The following C8orf34 variants were observed in gnomAD, a reference collection of about 807,000 sequenced individuals.
The protein encoded by C8orf34 is uncharacterized protein C8orf34.
A neutral mutation model predicts 68.3 loss-of-function variants in C8orf34; 65 were observed. That is an observed-to-expected ratio of 0.95 (90% CI 0.78 to 1.17). The LOEUF is 1.17. Ranked by LOEUF, C8orf34 falls within the 50% of genes most tolerant of loss-of-function variation. The pLI, the probability that C8orf34 is intolerant of heterozygous loss-of-function variation, is 0.00. For synonymous variants in C8orf34, 244 were observed against 241.2 expected, an observed-to-expected ratio of 1.01 and a Z score of -0.11; for missense variants, 664 against 655.4, an observed-to-expected ratio of 1.01 and a Z score of -0.14.
chr8:68,522,680 T>G (rs980576192), intron 6 of C8orf34, among the ~76,000 whole-genome samples: 4 of 152,190 alleles, frequency 2.6e-5, no homozygotes, highest in Non-Finnish European at 4.4e-5. Context: ...TAATTTTTTT[T>G]TGTAATACCA....
intron 2 of C8orf34, among the ~76,000 whole-genome samples, chr8:68,444,201 G>A (rs1811029730): frequency 6.6e-6 from 1 of 151,918 alleles, no homozygotes; most frequent in Non-Finnish European, 1.5e-5. Flanking sequence ...TTAAATATTG[G>A]TATTGCATTT....
At chr8:68,450,836 T>C (rs540013818) in intron 3 of C8orf34, among the ~76,000 whole-genome samples, 18 of 152,240 alleles carry the variant, frequency 1.2e-4, no homozygotes, top group African/African-American at 4.3e-4. Context: ...GAATAAGCAT[T>C]GACTTCAACT....
chr8:68,454,526 T>C (rs1265282810), intron 3 of C8orf34, among the ~76,000 whole-genome samples: 1 of 152,068 alleles, frequency 6.6e-6, no homozygotes, highest in Non-Finnish European at 1.5e-5. Flanking sequence ...TTCTAAGTCA[T>C]CCAGTTTGTT....
intron 7 of C8orf34, among the ~76,000 whole-genome samples, chr8:68,602,127 G>A (rs762642708): frequency 3.3e-5 from 5 of 152,136 alleles, no homozygotes; most frequent in South Asian, 4.1e-4. Context: ...CACGATGGGA[G>A]CAGTGAGTTA....
At chr8:68,686,318 G>C (rs887320357) in intron 8 of C8orf34, among the ~76,000 whole-genome samples, 1 of 151,912 alleles carries the variant, frequency 6.6e-6, no homozygotes, top group Non-Finnish European at 1.5e-5. Flanking sequence ...AACCAGGAAA[G>C]GACTTTACAA....
At chr8:68,597,264 G>A (rs1309864270) in intron 7 of C8orf34, among the ~76,000 whole-genome samples, 17 of 152,054 alleles carry the variant, frequency 1.1e-4, no homozygotes, top group Admixed American at 1.1e-3. Flanking sequence ...TGTGTCTCAT[G>A]TGCAAGGGTG....
intron 1 of C8orf34, among the ~76,000 whole-genome samples, chr8:68,389,258 T>C (rs181863020): frequency 7.2e-5 from 11 of 152,276 alleles, no homozygotes; most frequent in Non-Finnish European, 1.2e-4. Context: ...GGTTTCCATG[T>C]CAGTTTTGCT....
intron 7 of C8orf34, among the ~76,000 whole-genome samples, chr8:68,548,769 A>C (rs1441878676): frequency 6.6e-6 from 1 of 151,838 alleles, no homozygotes; most frequent in Non-Finnish European, 1.5e-5. Context: ...ACACAATACA[A>C]ATGTCAATCA....
intron 8 of C8orf34, among the ~76,000 whole-genome samples, chr8:68,701,653 CT>C (rs1821020498): frequency 6.6e-6 from 1 of 152,086 alleles, no homozygotes; most frequent in Non-Finnish European, 1.5e-5. Context: ...GGATCCTATG[CT>C]TGCTCCTACA....
chr8:68,712,697 T>A (rs980075567), intron 9 of C8orf34, among the ~76,000 whole-genome samples: 1 of 152,074 alleles, frequency 6.6e-6, no homozygotes, highest in Admixed American at 6.5e-5. Context: ...TATAAAACAG[T>A]TACCACTAGA....
chr8:68,531,420 G>A (rs960612967), intron 6 of C8orf34, among the ~76,000 whole-genome samples: 1 of 152,062 alleles, frequency 6.6e-6, no homozygotes, highest in Admixed American at 6.5e-5. Context: ...CATTCTTGAA[G>A]ACTATGGGCC....
At chr8:68,765,253 T>C (rs1454201390) in intron 10 of C8orf34, among the ~76,000 whole-genome samples, 3 of 152,238 alleles carry the variant, frequency 2.0e-5, no homozygotes, top group Non-Finnish European at 4.4e-5. Flanking sequence ...AGGGAAGTTA[T>C]GTAAATTTGC....
chr8:68,666,179 A>G (rs1440234459), intron 8 of C8orf34, among the ~76,000 whole-genome samples: 1 of 152,156 alleles, frequency 6.6e-6, no homozygotes, highest in East Asian at 1.9e-4. Context: ...ATTAACCAGG[A>G]AGTCTTGCTC....
At chr8:68,733,588 C>G (rs895180595) in intron 10 of C8orf34, among the ~76,000 whole-genome samples, 1 of 151,690 alleles carries the variant, frequency 6.6e-6, no homozygotes, top group African/African-American at 2.4e-5. Flanking sequence ...TTTTTAAGAA[C>G]AGGTTTAGCG....
intron 7 of C8orf34, chr8:68,535,470 A>G: frequency 3.1e-6 from 3 of 968,376 alleles, no homozygotes; most frequent in Non-Finnish European, 2.5e-6. Flanking sequence ...GTTGACATTA[A>G]TATAAAAAAG....
chr8:68,737,144 T>A (rs995296660), intron 10 of C8orf34, among the ~76,000 whole-genome samples: 1 of 152,094 alleles, frequency 6.6e-6, no homozygotes, highest in Non-Finnish European at 1.5e-5. Flanking sequence ...TAAAACATGC[T>A]TCTAGAACAG....
At chr8:68,527,789 C>G (rs1213939387) in intron 6 of C8orf34, among the ~76,000 whole-genome samples, 1 of 152,120 alleles carries the variant, frequency 6.6e-6, no homozygotes, top group South Asian at 2.1e-4. Flanking sequence ...GGCCTCGGAA[C>G]CCTAAGTGCT....
chr8:68,598,570 A>C (rs1817612410), intron 7 of C8orf34, among the ~76,000 whole-genome samples: 1 of 152,152 alleles, frequency 6.6e-6, no homozygotes, highest in Non-Finnish European at 1.5e-5. Flanking sequence ...AAACCAAATG[A>C]AAAATAGATT....
chr8:68,651,533 A>G (rs759956556), intron 8 of C8orf34, among the ~76,000 whole-genome samples: 1 of 152,258 alleles, frequency 6.6e-6, no homozygotes, highest in Non-Finnish European at 1.5e-5. Flanking sequence ...TAAGCATCCT[A>G]CAATTAGGGA....
Sources: allele counts gnomAD v4.1 joint callset (sites outside exome capture counted in the v4.1 genomes callset), GRCh38; gene constraint gnomAD v4.1.1; transcripts MANE v1.5; gene names NCBI Gene and HGNC (gene_info 2026-07-23, HGNC 2026-07-21).